The following FHIT variants were observed in gnomAD, a reference collection of about 807,000 sequenced individuals.
FHIT encodes the protein bis(5'-adenosyl)-triphosphatase.
Under a neutral mutation model 17.9 loss-of-function variants are expected in FHIT, and 19 were observed. The ratio of observed to expected loss-of-function variants is 1.06; its 90% CI spans 0.74 to 1.56. FHIT has a LOEUF of 1.56. Ranked by LOEUF, FHIT falls within the 40% of genes most tolerant of loss-of-function variation. The probability of loss-of-function intolerance (pLI) is 0.00; values close to 1 mark genes in which losing one functional copy is unlikely to be tolerated. For missense variants in FHIT, 248 were observed against 189.2 expected (o/e 1.31, Z -1.82); for synonymous variants, 81 against 69.7 (o/e 1.16, Z -0.81).
chr3:60,080,524 A>T (rs1385404190), intron 5 of FHIT, among the ~76,000 whole-genome samples: 2 of 152,062 alleles, frequency 1.3e-5, no homozygotes, highest in Non-Finnish European at 2.9e-5. Context: ...GGCACTGATT[A>T]TTTTTTCATT....
rs62238291 is a variant in FHIT, at chr3:59,841,063, G to A, written c.348+81283C>T. ...TTGGTTTAATTTTCGCCATGTCTTC[G>A]GGTTTCATTTTTACCTCTGAAGGTC... On this transcript the variant is annotated intron_variant, in intron 8 of 9. Transcript: ENST00000492590. 6.8e-3 allele frequency among the ~76,000 whole-genome samples: 1,032 copies of A among 152,260 alleles called. 9 individuals carry two copies. The highest frequency in any genetic ancestry group is 9.3e-3 in the Non-Finnish European group (632 of 68,022).
intron 2 of FHIT, among the ~76,000 whole-genome samples, chr3:61,154,942 C>A (rs1013838245): frequency 6.6e-6 from 1 of 152,218 alleles, no homozygotes; most frequent in Non-Finnish European, 1.5e-5. Flanking sequence ...ATCTCACCCC[C>A]TCAAAGGGAG....
At chr3:60,476,542 G>C (rs370456224) in intron 5 of FHIT, among the ~76,000 whole-genome samples, 34 of 152,158 alleles carry the variant, frequency 2.2e-4, no homozygotes, top group African/African-American at 8.2e-4. Flanking sequence ...GGGTAAGCAA[G>C]GCTAGAAAGA....
chr3:60,230,179 G>A (rs1308786461), intron 5 of FHIT, among the ~76,000 whole-genome samples: 5 of 152,130 alleles, frequency 3.3e-5, no homozygotes, highest in Admixed American at 1.3e-4. Flanking sequence ...GTTCACAAGA[G>A]CCACACGCGG....
chr3:60,108,813 G>T (rs188292036), intron 5 of FHIT, among the ~76,000 whole-genome samples: 8 of 152,036 alleles, frequency 5.3e-5, no homozygotes, highest in African/African-American at 1.7e-4. Flanking sequence ...ACAGGTGTGC[G>T]CCACCAAGCC....
intron 5 of FHIT, among the ~76,000 whole-genome samples, chr3:60,175,646 T>C (rs1701636898): frequency 6.6e-6 from 1 of 152,202 alleles, no homozygotes. Flanking sequence ...TGCACATTTA[T>C]ACACATATTC....
At chr3:60,122,245 G>T (rs1705293137) in intron 5 of FHIT, among the ~76,000 whole-genome samples, 3 of 152,132 alleles carry the variant, frequency 2.0e-5, no homozygotes, top group South Asian at 4.1e-4. Context: ...TATAATGTTT[G>T]TCATTAACAA....
intron 5 of FHIT, among the ~76,000 whole-genome samples, chr3:60,124,870 G>A (rs934836951): frequency 6.6e-6 from 1 of 152,164 alleles, no homozygotes; most frequent in Non-Finnish European, 1.5e-5. Context: ...AGTGATTCAT[G>A]AAAGCAGAGT....
chr3:60,153,058 G>C (rs1338261912), intron 5 of FHIT, among the ~76,000 whole-genome samples: 64 of 152,166 alleles, frequency 4.2e-4, no homozygotes, highest in Non-Finnish European at 1.5e-5. Context: ...CACTGCCTCT[G>C]TTTATTTTCC....
At chr3:60,095,225 C>G (rs894447315) in intron 5 of FHIT, among the ~76,000 whole-genome samples, 5 of 152,154 alleles carry the variant, frequency 3.3e-5, no homozygotes, top group African/African-American at 1.2e-4. Flanking sequence ...GGCAAAACTT[C>G]TAGGATTCTA....
intron 5 of FHIT, among the ~76,000 whole-genome samples, chr3:60,310,928 C>T (rs1708914777): frequency 6.6e-6 from 1 of 152,010 alleles, no homozygotes; most frequent in African/African-American, 2.4e-5. Context: ...TTCCTGCTTC[C>T]TTTGAAAATA....
intron 3 of FHIT, among the ~76,000 whole-genome samples, chr3:60,989,839 T>C (rs2030022472): frequency 1.3e-5 from 2 of 152,220 alleles, no homozygotes; most frequent in South Asian, 4.1e-4. Flanking sequence ...AACAGAAGTT[T>C]GCATCTGTGC....
chr3:61,186,803 T>C (rs533492317), intron 2 of FHIT, among the ~76,000 whole-genome samples: 7 of 152,296 alleles, frequency 4.6e-5, no homozygotes, highest in Admixed American at 1.3e-4. Flanking sequence ...CTCTAAGACA[T>C]AGTTGCAAGA....
intron 7 of FHIT, among the ~76,000 whole-genome samples, chr3:59,971,617 G>A (rs1405657187): frequency 1.3e-5 from 2 of 152,120 alleles, no homozygotes; most frequent in Non-Finnish European, 2.9e-5. Flanking sequence ...GAGAATGCTC[G>A]ACATTTTTCA....
intron 2 of FHIT, among the ~76,000 whole-genome samples, chr3:61,137,262 CTTTTTTTTTTT>C (rs67142172): frequency 9.5e-6 from 1 of 105,510 alleles, no homozygotes; most frequent in African/African-American, 3.8e-5. Context: ...AGGTTTCACT[CTTTTTTTTTTT>C]TTTTTTTTTT....
intron 5 of FHIT, among the ~76,000 whole-genome samples, chr3:60,520,675 C>A (rs778214722): frequency 7.2e-5 from 11 of 151,948 alleles, no homozygotes; most frequent in Non-Finnish European, 1.3e-4. Context: ...AAAATTAGTT[C>A]AAAGAGGACA....
intron 8 of FHIT, among the ~76,000 whole-genome samples, chr3:59,844,954 A>G (rs1701665283): frequency 6.6e-6 from 1 of 152,132 alleles, no homozygotes; most frequent in Non-Finnish European, 1.5e-5. Context: ...GAGATTACTG[A>G]TCACTGATTT....
intron 4 of FHIT, among the ~76,000 whole-genome samples, chr3:60,607,628 T>C (rs147135024): frequency 0.019 from 2,828 of 152,160 alleles, 28 homozygotes; most frequent in East Asian, 0.039. Context: ...ACATGCGTGA[T>C]AGATGTGTCT....
At chr3:60,273,327 A>T (rs1425057882) in intron 5 of FHIT, among the ~76,000 whole-genome samples, 3 of 151,736 alleles carry the variant, frequency 2.0e-5, no homozygotes, top group African/African-American at 7.3e-5. Flanking sequence ...AGAAAGCCTC[A>T]GCCAGGCATG....
Sources: allele counts gnomAD v4.1 joint callset (sites outside exome capture counted in the v4.1 genomes callset), GRCh38; gene constraint gnomAD v4.1.1; transcripts MANE v1.5; gene names NCBI Gene and HGNC (gene_info 2026-07-23, HGNC 2026-07-21).